VPS13D: variants seen among roughly 807,000 people sequenced by gnomAD.
The protein encoded by VPS13D is intermembrane lipid transfer protein VPS13D.
Under a neutral mutation model 461.9 loss-of-function variants are expected in VPS13D, and 187 were observed. The observed-to-expected ratio is 0.40, with a 90% CI of 0.36 to 0.46. VPS13D has a LOEUF of 0.46. VPS13D is among the 20% of genes least tolerant of loss of function. The probability of loss-of-function intolerance (pLI) is 0.60; values close to 1 mark genes in which losing one functional copy is unlikely to be tolerated. For missense variants in VPS13D, 4,711 were observed against 5,364.9 expected (o/e 0.88, Z 3.81); for synonymous variants, 1,951 against 1,986.3 (o/e 0.98, Z 0.47).
At position 12,422,959 on chromosome 1, in the gene VPS13D, G is replaced by A. The variant is rs146351699; in HGVS notation, c.12333+6132G>A. ...AATTACTGCTGACTTCCCACCAGAA[G>A]CCTCTTATTTGATGTCACTGTGTAG... is the stretch of plus-strand genomic sequence containing the variant. On this transcript the variant is annotated intron_variant, in intron 65 of 69. Coordinates refer to ENST00000620676, the MANE Select transcript of VPS13D (RefSeq NM_015378.4). Among the ~76,000 whole-genome samples, 759 of 151,542 alleles carry A rather than the reference G, an allele frequency of 5.0e-3. 3 individuals carry two copies. The highest frequency in any genetic ancestry group is 0.018 in the African/African-American group (733 of 41,292).
chr1:12,323,746 G>A lies in VPS13D; in HGVS notation c.7956G>A (p.Met2652Ile), dbSNP rs1266061015. The A allele has an allele frequency of 6.2e-7, 1 of 1,613,950 alleles. No homozygotes were observed. The highest frequency in any genetic ancestry group is 8.5e-7 in the Non-Finnish European group (1 of 1,179,988). The stretch of plus-strand genomic sequence containing the variant: ...GGCTGCAGGAGCTGGGATTCAGCAT[G>A]GATGATTGTCGCAAAGCTCTTTTGG... ...LARLQELGFS[M>I]DDCRKALLAC... Residue 2652 changes from methionine to isoleucine, a missense_variant, in exon 35 of 70, where the codon ATG becomes ATA. This residue lies in a region of VPS13D where 4,411 missense variants were observed against 4,937.8 expected (regional missense o/e 0.89). Transcript: ENST00000620676.
chr1:12,407,281 GA>G (rs1644668194), intron 63 of VPS13D: 2 of 152,344 alleles, frequency 1.3e-5, no homozygotes, highest in South Asian at 4.1e-4. Flanking sequence ...GATAAACTAA[GA>G]AAGGAAAGGA....
In VPS13D at chr1:12,277,848, C is replaced by A. The variant is rs775524051; in HGVS notation, c.4260C>A (p.Asp1420Glu). 1.2e-5 allele frequency: 19 copies of A among 1,613,852 alleles called. No homozygotes were observed. Among genetic ancestry groups the A allele is most frequent in the Admixed American group, 1.7e-5 (1 of 59,992 alleles). The change falls in exon 19 of 70, where the codon GAC (aspartate) becomes GAA (glutamate). Residue 1420 changes from aspartate to glutamate, a missense_variant. Around this residue, in one of 3 missense-constraint regions of VPS13D, gnomAD observed 4,411 missense variants for 4,937.8 expected, o/e 0.89. Coordinates refer to ENST00000620676, the MANE Select transcript of VPS13D (RefSeq NM_015378.4). Reference protein sequence around the residue: ...FVAGDDESRSDRLQVEIKDIK... With the variant: ...FVAGDDESRSERLQVEIKDIK... ...CGGGAGATGATGAATCCAGAAGTGA[C>A]CGTCTGCAGGTGGAAATCAAGGACA... is the stretch of plus-strand genomic sequence containing the variant.
intron 57 of VPS13D, among the ~76,000 whole-genome samples, chr1:12,381,802 A>AAG (rs1396910791): frequency 6.6e-6 from 1 of 152,208 alleles, no homozygotes; most frequent in African/African-American, 2.4e-5. Flanking sequence ...AGTCTCTCTG[A>AAG]ATCTGCTGTG....
At chr1:12,387,228 C>T (rs1286464036) in intron 60 of VPS13D, among the ~76,000 whole-genome samples, 1 of 152,140 alleles carries the variant, frequency 6.6e-6, no homozygotes, top group Non-Finnish European at 1.5e-5. Context: ...TTAATTAGCC[C>T]TAAACTGAGC....
At chr1:12,392,197 T>C (rs1311805119) in intron 60 of VPS13D, among the ~76,000 whole-genome samples, 1 of 152,118 alleles carries the variant, frequency 6.6e-6, no homozygotes, top group African/African-American at 2.4e-5. Flanking sequence ...TAAATGACTA[T>C]ATTAAGATCC....
chr1:12,509,126 T>A lies in VPS13D; in HGVS notation c.*102T>A. 1 of 1,406,108 alleles carries A rather than the reference T, an allele frequency of 7.1e-7. No homozygotes were observed. The highest frequency in any genetic ancestry group is 1.4e-5 in the African/African-American group (1 of 68,984). 87.1% of individuals were successfully genotyped at this position (1,406,108 alleles called of 1,614,324 possible). On this transcript the variant is annotated 3_prime_UTR_variant, in exon 70 of 70. Coordinates refer to ENST00000620676, the MANE Select transcript of VPS13D (RefSeq NM_015378.4). Reference sequence around the variant, plus strand: ...GATGGAGGCAGAACCGGAGTCGGGTTTGGGGAAGTTGTCAAGGAATGAGGG... The same window carrying A: ...GATGGAGGCAGAACCGGAGTCGGGTATGGGGAAGTTGTCAAGGAATGAGGG...
At chr1:12,372,963 A>C (rs1186864469) in intron 54 of VPS13D, among the ~76,000 whole-genome samples, 1 of 151,940 alleles carries the variant, frequency 6.6e-6, no homozygotes, top group Non-Finnish European at 1.5e-5. Flanking sequence ...GAGGAAGTTG[A>C]TTGGAACCCT....
intron 20 of VPS13D, among the ~76,000 whole-genome samples, chr1:12,281,148 A>G (rs942775395): frequency 5.3e-5 from 8 of 151,948 alleles, no homozygotes; most frequent in Non-Finnish European, 1.2e-4. Flanking sequence ...GTGTATTTCC[A>G]AAAACTAGGT....
intron 20 of VPS13D, among the ~76,000 whole-genome samples, chr1:12,280,422 T>A (rs1470990727): frequency 2.0e-5 from 3 of 152,050 alleles, no homozygotes; most frequent in Admixed American, 1.3e-4. Context: ...TTTTGCCCCA[T>A]CAGTGGTAGC....
intron 65 of VPS13D, among the ~76,000 whole-genome samples, chr1:12,449,942 C>T (rs1308630930): frequency 2.6e-5 from 4 of 152,060 alleles, no homozygotes; most frequent in Non-Finnish European, 2.9e-5. Context: ...CTGGCCAACA[C>T]GGTGAGACCC....
rs368865654 is a variant in VPS13D at position 12,293,473 on chromosome 1, C to T, written c.5853-51C>T. 584 of 1,494,790 alleles carry T rather than the reference C, an allele frequency of 3.9e-4. 1 individual carries two copies. The African/African-American group carries it at 6.8e-3, about 17-fold the overall frequency. 92.6% of individuals were successfully genotyped at this position (1,494,790 alleles called of 1,614,324 possible). On this transcript the variant is annotated intron_variant, in intron 23 of 69. Coordinates refer to ENST00000620676, the MANE Select transcript of VPS13D (RefSeq NM_015378.4). Reference sequence around the variant, plus strand: ...AACCAACCTGAGTTTTCTTGAAATACTAACTTGTGTCTTGCTGTTATCTGA... The same window carrying T: ...AACCAACCTGAGTTTTCTTGAAATATTAACTTGTGTCTTGCTGTTATCTGA...
At chr1:12,344,049 A>C (rs1365142481) in intron 42 of VPS13D, among the ~76,000 whole-genome samples, 1 of 152,228 alleles carries the variant, frequency 6.6e-6, no homozygotes, top group Non-Finnish European at 1.5e-5. Context: ...TCAAAACTGG[A>C]ATGAATGTGA....
At chr1:12,306,902 C>T (rs1353623884) in intron 26 of VPS13D, among the ~76,000 whole-genome samples, 8 of 152,250 alleles carry the variant, frequency 5.3e-5, no homozygotes, top group South Asian at 2.1e-4. Flanking sequence ...CTAATCCCAC[C>T]GCTGATCTGA....
rs746506999 is a variant in VPS13D, at chr1:12,369,433, A to G, written c.10573-34A>G. 8.7e-6 allele frequency: 14 copies of G among 1,602,696 alleles called. No individual in the cohort carries two copies. In the Admixed American group the frequency reaches 2.3e-4, roughly 27 times the overall value. ...CTTTTCAGTAACCCCACTCTGAATGAAAGTCCTCTTTGTCCTCTCTGCCAT... is the reference window on the plus strand; with the variant it reads ...CTTTTCAGTAACCCCACTCTGAATGGAAGTCCTCTTTGTCCTCTCTGCCAT... On this transcript the variant is annotated intron_variant, in intron 53 of 69. Coordinates refer to ENST00000620676, the MANE Select transcript of VPS13D (RefSeq NM_015378.4).
chr1:12,361,968 C>T (rs925722212), intron 50 of VPS13D, among the ~76,000 whole-genome samples: 1 of 152,138 alleles, frequency 6.6e-6, no homozygotes, highest in African/African-American at 2.4e-5. Flanking sequence ...AAGCAATTCT[C>T]TTTCTTGCCT....
At chr1:12,471,173 C>T (rs1334680836) in intron 67 of VPS13D, among the ~76,000 whole-genome samples, 3 of 152,072 alleles carry the variant, frequency 2.0e-5, no homozygotes, top group South Asian at 2.1e-4. Context: ...TAGTGGCACA[C>T]GCCTGTAGTC....
intron 7 of VPS13D, among the ~76,000 whole-genome samples, chr1:12,254,970 G>C (rs950854364): frequency 6.6e-6 from 1 of 150,698 alleles, no homozygotes; most frequent in Non-Finnish European, 1.5e-5. Flanking sequence ...TTTTGAGACG[G>C]CATCTCGCTC....
intron 44 of VPS13D, among the ~76,000 whole-genome samples, chr1:12,347,660 T>A (rs1484102775): frequency 6.6e-6 from 1 of 152,216 alleles, no homozygotes; most frequent in Non-Finnish European, 1.5e-5. Context: ...GCTCTTCATT[T>A]TATTGTTTAT....
Sources: gnomAD v4.1 joint callset for allele counts (sites outside exome capture counted in the v4.1 genomes callset) on GRCh38, gnomAD v4.1.1 for gene constraint, gnomAD v4.1.1 regional missense constraint, MANE v1.5 for transcripts, NCBI Gene and HGNC (gene_info 2026-07-23, HGNC 2026-07-21) for gene names.